The following ITGA11 variants were observed in gnomAD, a reference collection of about 807,000 sequenced individuals.
ITGA11 encodes the protein integrin alpha-11.
Under a neutral mutation model 141.9 loss-of-function variants are expected in ITGA11, and 97 were observed. The ratio of observed to expected loss-of-function variants is 0.68; its 90% CI spans 0.58 to 0.81. The LOEUF is 0.81. Ranked by LOEUF, ITGA11 falls within the 30% of genes least tolerant of loss-of-function variation. The probability of loss-of-function intolerance (pLI) is 0.00; values close to 1 mark genes in which losing one functional copy is unlikely to be tolerated. For missense variants in ITGA11, 1,387 were observed against 1,559.2 expected, an observed-to-expected ratio of 0.89 and a Z score of 1.86; for synonymous variants, 658 against 624.6, an observed-to-expected ratio of 1.05 and a Z score of -0.80.
chr15:68,405,829 C>G (rs911806049), intron 1 of ITGA11, among the ~76,000 whole-genome samples: 1 of 152,140 alleles, frequency 6.6e-6, no homozygotes, highest in African/African-American at 2.4e-5. Flanking sequence ...GAAACTTACC[C>G]TCTCTCCAAA....
At chr15:68,306,377 C>T (rs1486562367) in intron 28 of ITGA11, among the ~76,000 whole-genome samples, 6 of 151,926 alleles carry the variant, frequency 3.9e-5, no homozygotes, top group Non-Finnish European at 8.8e-5. Context: ...TGTACCACAC[C>T]TCCCTCTCTT....
At chr15:68,354,836 C>T (rs1895021701) in intron 7 of ITGA11, among the ~76,000 whole-genome samples, 1 of 152,176 alleles carries the variant, frequency 6.6e-6, no homozygotes, top group African/African-American at 2.4e-5. Flanking sequence ...TGTTCATGGC[C>T]TGGATCTTTG....
At position 68,358,059 on chromosome 15, in the gene ITGA11, C is replaced by T. The variant is rs573104582; in HGVS notation, c.600+399G>A. 1.1e-3 allele frequency among the ~76,000 whole-genome samples: 169 copies of T among 152,280 alleles called. 1 individual carries two copies. The highest frequency in any genetic ancestry group is 3.8e-3 in the African/African-American group (158 of 41,562). Reference sequence around the variant, plus strand: ...ATCTACCTCCGCGTTAGCCAGGCAGCGTTTCAGATATATGAGCCTAGCAGC... The same window carrying T: ...ATCTACCTCCGCGTTAGCCAGGCAGTGTTTCAGATATATGAGCCTAGCAGC... On this transcript the variant is annotated intron_variant, in intron 6 of 29. Coordinates refer to ENST00000315757, the MANE Select transcript of ITGA11 (RefSeq NM_001004439.2).
In ITGA11 at chr15:68,350,581, GA is replaced by G. The variant is rs749269068; in HGVS notation, c.1060+35del. 83 of 1,593,188 alleles carry G rather than the reference GA, an allele frequency of 5.2e-5. 1 individual carries two copies. In the Admixed American group the frequency reaches 1.1e-3, roughly 20 times the overall value. Reference sequence around the variant, plus strand: ...CGGGGTTTACCTGACATAAGCCCAGGAGAGAGTGGATCCCCTCTTAGCATGC... The same window carrying G: ...CGGGGTTTACCTGACATAAGCCCAGGGAGAGTGGATCCCCTCTTAGCATGC... On this transcript the variant is annotated intron_variant, in intron 9 of 29. Coordinates refer to ENST00000315757, the MANE Select transcript of ITGA11 (RefSeq NM_001004439.2).
At chr15:68,402,866 G>T in intron 2 of ITGA11, 52 bp downstream of exon 2, 1 of 1,257,962 alleles carries the variant, frequency 7.9e-7, no homozygotes, top group Non-Finnish European at 1.1e-6. Context: ...GGATGGAGGG[G>T]GCTGGGTGTG....
At position 68,303,130 on chromosome 15, in the gene ITGA11, G is replaced by C; in HGVS notation, c.3496C>G (p.Leu1166Val). ...LALLVLALWK[L>V]GFFRSARRRR... is the part of the protein sequence containing the mutation. ...CGCCTGGCACTTCTAAAGAAGCCGA[G>C]CTGTGAGGAGGCAAAGGGAGACGTC... Residue 1166 changes from leucine (L) to valine (V), a missense_variant and splice_region_variant, in exon 30 of 30, where the codon CTC (leucine) becomes GTC (valine). By Grantham distance (32) the Leu-to-Val change is conservative. Coordinates refer to ENST00000315757, the MANE Select transcript of ITGA11 (RefSeq NM_001004439.2). The surrounding 1 kb of genome is among the most constrained non-coding windows in gnomAD (Gnocchi z 5.3). 1 of 1,551,330 alleles carries C rather than the reference G, an allele frequency of 6.4e-7. No homozygotes were observed. Among genetic ancestry groups the C allele is most frequent in the Non-Finnish European group, 8.7e-7 (1 of 1,147,036 alleles).
chr15:68,313,743 C>A (rs765828676), intron 23 of ITGA11, 36 bp downstream of exon 23: 7 of 1,542,696 alleles, frequency 4.5e-6, no homozygotes, highest in Middle Eastern at 1.7e-4. Context: ...ATTCCCCATG[C>A]CTTCCCTCTC....
chr15:68,386,851 G>A (rs758904334), intron 2 of ITGA11, among the ~76,000 whole-genome samples: 16 of 152,086 alleles, frequency 1.1e-4, no homozygotes, highest in Admixed American at 5.9e-4. Flanking sequence ...CCCTCCTCTC[G>A]TGGGTACAAG....
chr15:68,385,238 G>T (rs4777048), intron 2 of ITGA11, among the ~76,000 whole-genome samples: 98,866 of 152,164 alleles, frequency 0.65, 33,920 homozygotes, highest in South Asian at 0.75. Context: ...TCGAAGCCTA[G>T]ATTCTCCCTG....
chr15:68,332,272 G>T, intron 13 of ITGA11, 66 bp downstream of exon 13: 1 of 1,528,532 alleles, frequency 6.5e-7, no homozygotes, highest in East Asian at 2.4e-5. Flanking sequence ...TTTCCGTCGT[G>T]GCTACCCAAG....
At position 68,322,058 on chromosome 15, in the gene ITGA11, G is replaced by A. The variant is rs987327044; in HGVS notation, c.2323-555C>T. Among the ~76,000 whole-genome samples, 8 of 152,316 alleles carry A rather than the reference G, an allele frequency of 5.3e-5. No homozygotes were observed. Among genetic ancestry groups the A allele is most frequent in the Middle Eastern group, 3.4e-3 (1 of 294 alleles). On this transcript the variant is annotated intron_variant, in intron 18 of 29. Coordinates refer to ENST00000315757, the MANE Select transcript of ITGA11 (RefSeq NM_001004439.2). This position sits in a 1 kb window ranked among gnomAD's most constrained non-coding sequence, Gnocchi z 5.6. ...GACGGTCAAGGTAGCTGTGTGGACCGGGATGGAGGTGGTGAAGTCCAGGAG... is the reference window on the plus strand; with the variant it reads ...GACGGTCAAGGTAGCTGTGTGGACCAGGATGGAGGTGGTGAAGTCCAGGAG...
At position 68,321,649 on chromosome 15, in the gene ITGA11, C is replaced by T. The variant is rs1450012078; in HGVS notation, c.2323-146G>A. Reference sequence around the variant, plus strand: ...AGACACCACACTGCTCTGTCTTGTGCTTTTCCATAGATGCTTCCCTCTTTA... The same window carrying T: ...AGACACCACACTGCTCTGTCTTGTGTTTTTCCATAGATGCTTCCCTCTTTA... On this transcript the variant is annotated intron_variant, in intron 18 of 29. Coordinates refer to ENST00000315757, the MANE Select transcript of ITGA11 (RefSeq NM_001004439.2). The surrounding 1 kb of genome is among the most constrained non-coding windows in gnomAD (Gnocchi z 4.9). 2.1e-6 allele frequency: 1 copy of T among 468,910 alleles called. No homozygotes were observed. The highest frequency in any genetic ancestry group is 3.9e-6 in the Non-Finnish European group (1 of 258,066). The allele number at this position is 468,910 out of a possible 1,614,324, so 29.0% of individuals were successfully genotyped here.
intron 7 of ITGA11, among the ~76,000 whole-genome samples, chr15:68,355,447 C>CTTTTTTTT (rs530960844): frequency 2.0e-5 from 3 of 150,772 alleles, no homozygotes; most frequent in Non-Finnish European, 3.0e-5. Context: ...TTCTTTTTTT[C>CTTTTTTTT]TTTTTTTCTT....
chr15:68,424,970 A>T (rs1352147415), intron 1 of ITGA11, among the ~76,000 whole-genome samples: 1 of 152,188 alleles, frequency 6.6e-6, no homozygotes, highest in Non-Finnish European at 1.5e-5. Flanking sequence ...TGTGTACATC[A>T]GTGTTTGGAA....
In ITGA11 at chr15:68,302,095, T is replaced by TGTGTGTGC. The variant is rs1212283242; in HGVS notation, c.*963_*964insGCACACAC. ...GTGTGTGTGTGTGTGTGTGTGTGTG[T>TGTGTGTGC]GTGTGTGTGTGTGTGTGTGTAGGGA... On this transcript the variant is annotated 3_prime_UTR_variant, in exon 30 of 30. Coordinates refer to ENST00000315757, the MANE Select transcript of ITGA11 (RefSeq NM_001004439.2). The TGTGTGTGC allele has an allele frequency of 1.1e-5, 1 of 87,426 alleles. No individual in the cohort carries two copies. Among genetic ancestry groups the TGTGTGTGC allele is most frequent in the Admixed American group, 1.1e-4 (1 of 9,316 alleles). The allele number at this position is 87,426 out of a possible 1,614,324, so 5.4% of individuals were successfully genotyped here.
At chr15:68,362,628 G>A (rs1895281559) in intron 4 of ITGA11, among the ~76,000 whole-genome samples, 1 of 152,082 alleles carries the variant, frequency 6.6e-6, no homozygotes, top group South Asian at 2.1e-4. Context: ...ATGGATGGAT[G>A]AATGATGTAT....
chr15:68,414,260 T>C (rs1179599108), intron 1 of ITGA11, among the ~76,000 whole-genome samples: 3 of 152,314 alleles, frequency 2.0e-5, no homozygotes, highest in African/African-American at 7.2e-5. Flanking sequence ...ACTGTGGCCT[T>C]GGAATGACAG....
At chr15:68,375,713 C>T (rs766478598) in intron 2 of ITGA11, among the ~76,000 whole-genome samples, 9 of 152,212 alleles carry the variant, frequency 5.9e-5, no homozygotes, top group Admixed American at 1.3e-4. Flanking sequence ...CTATCAGACA[C>T]TGGAAACCTT....
intron 1 of ITGA11, among the ~76,000 whole-genome samples, chr15:68,410,533 A>T (rs192974067): frequency 7.1e-6 from 1 of 140,210 alleles, no homozygotes; most frequent in Non-Finnish European, 1.5e-5. Flanking sequence ...GCTATGGGGG[A>T]AAAAAAACAA....
Sources: gnomAD v4.1 joint callset for allele counts (sites outside exome capture counted in the v4.1 genomes callset) on GRCh38, gnomAD v4.1.1 for gene constraint, Gnocchi (gnomAD v3.1) non-coding constraint, MANE v1.5 for transcripts, NCBI Gene and HGNC (gene_info 2026-07-23, HGNC 2026-07-21) for gene names.